RANBP2: variants seen among roughly 807,000 people sequenced by gnomAD.
RANBP2 encodes RAN binding protein 2.
Under a neutral mutation model 303.6 loss-of-function variants are expected in RANBP2, and 57 were observed. That is an observed-to-expected ratio of 0.19 (90% CI 0.15 to 0.23). RANBP2 has a LOEUF of 0.23. Ranked by LOEUF, RANBP2 falls within the 10% of genes least tolerant of loss-of-function variation. The pLI is 1.00. For missense variants in RANBP2, 3,138 were observed against 3,780.8 expected, an observed-to-expected ratio of 0.83 and a Z score of 4.46; for synonymous variants, 1,167 against 1,301.5, an observed-to-expected ratio of 0.90 and a Z score of 2.23.
At chr2:109,710,427 C>T in the RANBP2 span, among the ~76,000 whole-genome samples, 6 of 151,884 alleles carry the variant, frequency 4.0e-5, no homozygotes, top group Non-Finnish European at 8.8e-5. Flanking sequence ...ATGTGGATTC[C>T]GGCCCCCATT....
At chr2:108,760,480 A>G (rs1305450441) in intron 18 of RANBP2, among the ~76,000 whole-genome samples, 1 of 152,160 alleles carries the variant, frequency 6.6e-6, no homozygotes, top group African/African-American at 2.4e-5. Flanking sequence ...GCCATTACAA[A>G]TTCTAGGACA....
the RANBP2 span, among the ~76,000 whole-genome samples, chr2:109,213,477 G>A: frequency 1.6e-4 from 25 of 152,192 alleles, no homozygotes; most frequent in Non-Finnish European, 3.7e-4. Context: ...TGGTGAGGAC[G>A]TGGCCCCAGG....
the RANBP2 span, chr2:108,794,537 C>A: frequency 5.3e-5 from 84 of 1,591,334 alleles, 2 homozygotes; most frequent in South Asian, 2.1e-4. Flanking sequence ...ATTTTCTTTG[C>A]AGTTGCCTTG....
Position 108,748,996 on chromosome 2 carries a change from C to A in RANBP2, c.1140C>A (p.Ser380Arg). ...TTGTTGAAACTTTTGCCAACAAAAG[C>A]GGGCAGTCTGCATTATATGATGCTC... Reference protein sequence around the residue: ...KEIVETFANKSGQSALYDALF... With the variant: ...KEIVETFANKRGQSALYDALF... The change falls in exon 9 of 29, where the codon AGC becomes AGA. Residue 380 changes from serine (S) to arginine (R), a missense_variant. Ser to Arg is a moderately radical substitution (Grantham distance 110). Around this residue, in one of 20 missense-constraint regions of RANBP2, gnomAD observed 95 missense variants for 86.4 expected, o/e 1.10. Coordinates refer to ENST00000283195, the MANE Select transcript of RANBP2 (RefSeq NM_006267.5). 2.5e-6 allele frequency: 4 copies of A among 1,611,832 alleles called. No individual in the cohort carries two copies. The highest frequency in any genetic ancestry group is 3.4e-6 in the Non-Finnish European group (4 of 1,179,814).
chr2:109,312,231 C>A, the RANBP2 span, among the ~76,000 whole-genome samples: 1 of 152,248 alleles, frequency 6.6e-6, no homozygotes, highest in South Asian at 2.1e-4. Context: ...CACACAAGGC[C>A]AGAGGGACAA....
chr2:108,922,325 A>G, the RANBP2 span, among the ~76,000 whole-genome samples: 2 of 152,366 alleles, frequency 1.3e-5, no homozygotes, highest in East Asian at 3.9e-4. Context: ...TGGCTTCACC[A>G]TGAGTCAGGC....
the RANBP2 span, among the ~76,000 whole-genome samples, chr2:109,504,908 G>T: frequency 6.6e-6 from 1 of 152,214 alleles, no homozygotes; most frequent in African/African-American, 2.4e-5. Flanking sequence ...AGAAGCCAGC[G>T]GTGGGCTGGG....
chr2:109,003,394 A>G, the RANBP2 span, among the ~76,000 whole-genome samples: 2 of 151,400 alleles, frequency 1.3e-5, no homozygotes, highest in Non-Finnish European at 2.9e-5. Flanking sequence ...GGTTGTTGCC[A>G]TCCCTTTTAA....
the RANBP2 span, among the ~76,000 whole-genome samples, chr2:108,857,237 C>G: frequency 1.3e-5 from 2 of 151,842 alleles, no homozygotes; most frequent in Non-Finnish European, 2.9e-5. Flanking sequence ...CGCCACCACG[C>G]CCAGCTAATT....
chr2:109,279,808 C>T, the RANBP2 span, among the ~76,000 whole-genome samples: 1 of 152,042 alleles, frequency 6.6e-6, no homozygotes, highest in African/African-American at 2.4e-5. Context: ...AGAAGAGGTC[C>T]GGGAGGATCT....
At chr2:109,247,390 A>G in the RANBP2 span, among the ~76,000 whole-genome samples, 1 of 152,222 alleles carries the variant, frequency 6.6e-6, no homozygotes, top group Non-Finnish European at 1.5e-5. Flanking sequence ...AACCTAGCAC[A>G]CTTGTGTAAG....
chr2:109,424,108 G>T, the RANBP2 span, among the ~76,000 whole-genome samples: 1 of 152,226 alleles, frequency 6.6e-6, no homozygotes, highest in East Asian at 1.9e-4. Flanking sequence ...CTGGAGGCAG[G>T]CCCTGAGATG....
the RANBP2 span, among the ~76,000 whole-genome samples, chr2:109,191,622 A>G: frequency 6.6e-6 from 1 of 152,150 alleles, no homozygotes; most frequent in Non-Finnish European, 1.5e-5. Context: ...AGAAAGTGGA[A>G]TTGCAGCAAG....
chr2:109,354,610 C>T, the RANBP2 span, among the ~76,000 whole-genome samples: 1 of 152,234 alleles, frequency 6.6e-6, no homozygotes, highest in Non-Finnish European at 1.5e-5. Context: ...CTCCCAAATG[C>T]CTGATATGTG....
the RANBP2 span, among the ~76,000 whole-genome samples, chr2:108,804,336 T>A: frequency 6.6e-6 from 1 of 152,186 alleles, no homozygotes; most frequent in East Asian, 1.9e-4. Flanking sequence ...TAGAACTGAT[T>A]AAGAAGAGTC....
chr2:108,931,411 A>G, the RANBP2 span, among the ~76,000 whole-genome samples: 3 of 152,214 alleles, frequency 2.0e-5, no homozygotes, highest in South Asian at 6.2e-4. Context: ...AGGACTTAGG[A>G]GGACCCCTGG....
chr2:109,370,227 G>GTCTCTC, the RANBP2 span, among the ~76,000 whole-genome samples: 5 of 96,642 alleles, frequency 5.2e-5, no homozygotes, highest in South Asian at 7.0e-4. Flanking sequence ...CTCTGTCTCT[G>GTCTCTC]TCTCTCTCTC....
chr2:109,580,180 G>GT, the RANBP2 span, among the ~76,000 whole-genome samples: 2 of 144,516 alleles, frequency 1.4e-5, no homozygotes, highest in Non-Finnish European at 3.0e-5. Context: ...GAACACAGAT[G>GT]CAAAAAAAAA....
At chr2:109,330,268 A>G in the RANBP2 span, among the ~76,000 whole-genome samples, 16 of 152,088 alleles carry the variant, frequency 1.1e-4, no homozygotes, top group Non-Finnish European at 2.2e-4. Context: ...CTTTTCCTCA[A>G]TTTTGGTGTG....
Sources: gnomAD v4.1 joint callset for allele counts (sites outside exome capture counted in the v4.1 genomes callset) on GRCh38, gnomAD v4.1.1 for gene constraint, gnomAD v4.1.1 regional missense constraint, MANE v1.5 for transcripts, NCBI Gene and HGNC (gene_info 2026-07-23, HGNC 2026-07-21) for gene names.